The following UMODL1 variants were observed in gnomAD, a reference collection of about 807,000 sequenced individuals.
UMODL1 encodes uromodulin like 1.
A neutral mutation model predicts 136.3 loss-of-function variants in UMODL1; 128 were observed. The ratio of observed to expected loss-of-function variants is 0.94; its 90% CI spans 0.81 to 1.09. The LOEUF is 1.09. Ranked by LOEUF, UMODL1 falls within the 50% of genes least tolerant of loss-of-function variation. The pLI, the probability that UMODL1 is intolerant of heterozygous loss-of-function variation, is 0.00. For synonymous variants in UMODL1, 721 were observed against 720.0 expected (o/e 1.00, Z -0.02); for missense variants, 1,766 against 1,725.6 (o/e 1.02, Z -0.41).
intron 2 of UMODL1, among the ~76,000 whole-genome samples, chr21:42,077,359 C>T (rs888752418): frequency 4.6e-5 from 7 of 151,844 alleles, no homozygotes; most frequent in Admixed American, 6.6e-5. Context: ...TTTTATTAGC[C>T]GGCGACCGAG....
At chr21:42,096,107 A>T (rs891622560) in intron 6 of UMODL1, among the ~76,000 whole-genome samples, 2 of 152,054 alleles carry the variant, frequency 1.3e-5, no homozygotes, top group African/African-American at 4.8e-5. Context: ...AAGCTCAATT[A>T]AAAAAAATTG....
intron 7 of UMODL1, among the ~76,000 whole-genome samples, chr21:42,100,970 G>GA (rs1009168641): frequency 3.5e-5 from 5 of 141,146 alleles, no homozygotes; most frequent in Non-Finnish European, 7.6e-5. Flanking sequence ...GTGCCTTCAG[G>GA]AAAAAAAATA....
intron 21 of UMODL1, among the ~76,000 whole-genome samples, chr21:42,136,941 A>G (rs982796631): frequency 2.0e-5 from 3 of 152,148 alleles, no homozygotes; most frequent in African/African-American, 7.2e-5. Context: ...TATTTTTAGT[A>G]GAGACGGGGT....
chr21:42,083,064 C>T (rs886321966), intron 2 of UMODL1, among the ~76,000 whole-genome samples: 15 of 152,204 alleles, frequency 9.9e-5, no homozygotes, highest in East Asian at 1.9e-4. Context: ...AGAGGCTGGC[C>T]GCGTTTCTGT....
chr21:42,086,197 G>A (rs1172020741), intron 4 of UMODL1, among the ~76,000 whole-genome samples: 1 of 152,240 alleles, frequency 6.6e-6, no homozygotes, highest in African/African-American at 2.4e-5. Context: ...AGGGGCTTGT[G>A]CTCAGAGGGG....
chr21:42,134,274 C>T (rs534596068), intron 21 of UMODL1, among the ~76,000 whole-genome samples: 19 of 152,348 alleles, frequency 1.2e-4, no homozygotes, highest in South Asian at 8.3e-4. Flanking sequence ...AGAATCCATT[C>T]GGGCATCTTC....
intron 1 of UMODL1, among the ~76,000 whole-genome samples, chr21:42,073,033 T>C (rs117396480): frequency 0.066 from 9,878 of 149,140 alleles, 410 homozygotes; most frequent in African/African-American, 0.13. Flanking sequence ...CGCGCGCGCG[T>C]GTGTGTGTGT....
intron 2 of UMODL1, among the ~76,000 whole-genome samples, 198 bp downstream of exon 2, chr21:42,076,445 G>A (rs1638954588): frequency 6.6e-6 from 1 of 152,204 alleles, no homozygotes; most frequent in African/African-American, 2.4e-5. Flanking sequence ...GTGGGTGGGG[G>A]TGAAGTACAA....
At chr21:42,083,552 C>A (rs565655239) in intron 2 of UMODL1, among the ~76,000 whole-genome samples, 97 of 152,350 alleles carry the variant, frequency 6.4e-4, no homozygotes, top group African/African-American at 2.1e-3. Context: ...GGCATGAGCC[C>A]CTCTCCAGAG....
At chr21:42,130,375 A>G (rs2067118934) in intron 21 of UMODL1, among the ~76,000 whole-genome samples, 1 of 152,190 alleles carries the variant, frequency 6.6e-6, no homozygotes, top group South Asian at 2.1e-4. Flanking sequence ...TCAAAACCCC[A>G]CATCAACTTT....
intron 9 of UMODL1, 22 bp downstream of exon 9, chr21:42,104,109 T>G: frequency 6.3e-7 from 1 of 1,591,124 alleles, no homozygotes. Flanking sequence ...CCACCCGCCC[T>G]GCTGCCTGGT....
At position 42,071,331 on chromosome 21, in the gene UMODL1, G is replaced by A. The variant is rs368977312; in HGVS notation, c.15G>A (p.Ser5=). 119 of 1,594,684 alleles carry A rather than the reference G, an allele frequency of 7.5e-5. No individual in the cohort carries two copies. Among genetic ancestry groups the A allele is most frequent in the Middle Eastern group, 1.7e-4 (1 of 6,026 alleles). The change falls in exon 1 of 23, where the codon TCG becomes TCA. Residue 5 remains serine, a synonymous_variant. Coordinates refer to ENST00000408910, the MANE Select transcript of UMODL1 (RefSeq NM_001004416.3). The part of the protein sequence containing the change: MLRT[S]GLALLALVSA... The stretch of plus-strand genomic sequence containing the variant: ...ACTGCCGGACGATGCTCAGGACCTC[G>A]GGGCTGGCACTGCTGGCTCTGGTCA...
chr21:42,099,145 G>A lies in UMODL1; in HGVS notation c.1151G>A (p.Gly384Glu). 2 of 1,613,376 alleles carry A rather than the reference G, an allele frequency of 1.2e-6. No homozygotes were observed. The highest frequency in any genetic ancestry group is 1.3e-5 in the African/African-American group (1 of 75,020). ...YRVKTSYQGCGADVSTTLTIK... is the reference protein window; with the variant it reads ...YRVKTSYQGCEADVSTTLTIK... ...GTGAAGACCAGCTACCAGGGGTGCG[G>A]GGCCGACGTCTCCACCACGCTGACC... Residue 384 changes from glycine to glutamate, a missense_variant, in exon 7 of 23, where the codon GGG becomes GAG. Physicochemically the swap from Gly to Glu is moderately conservative, Grantham distance 98 (BLOSUM62 -2). Coordinates refer to ENST00000408910, the MANE Select transcript of UMODL1 (RefSeq NM_001004416.3). This position sits in a 1 kb window ranked among gnomAD's most constrained non-coding sequence, Gnocchi z 4.1.
rs777341425 is a variant in UMODL1 at position 42,109,711 on chromosome 21, C to G, written c.1657+12C>G. On this transcript the variant is annotated intron_variant, in intron 10 of 22. Coordinates refer to ENST00000408910, the MANE Select transcript of UMODL1 (RefSeq NM_001004416.3). ...CCGGGCCTGTGAGGGTACGTGTCGACCCCCCTGCCGACTCTGGGAAGACCC... is the reference window on the plus strand; with the variant it reads ...CCGGGCCTGTGAGGGTACGTGTCGAGCCCCCTGCCGACTCTGGGAAGACCC... 1 of 1,592,828 alleles carries G rather than the reference C, an allele frequency of 6.3e-7. No individual in the cohort carries two copies. Among genetic ancestry groups the G allele is most frequent in the East Asian group, 2.2e-5 (1 of 44,862 alleles).
chr21:42,103,859 C>T lies in UMODL1; in HGVS notation c.1300-9C>T, dbSNP rs748740414. 3.1e-6 allele frequency: 5 copies of T among 1,614,172 alleles called. No homozygotes were observed. In the South Asian group the frequency reaches 3.3e-5, roughly 11 times the overall value. On this transcript the variant is annotated splice_polypyrimidine_tract_variant and intron_variant, in intron 8 of 22. Transcript: ENST00000408910. ...TGATGGATGTCTGCTGTTGCCTCTTCTTGGCTAGGTCGAGAGCTCCTTCCC... is the reference window on the plus strand; with the variant it reads ...TGATGGATGTCTGCTGTTGCCTCTTTTTGGCTAGGTCGAGAGCTCCTTCCC...
chr21:42,121,730 G>C (rs1601257221), intron 16 of UMODL1, among the ~76,000 whole-genome samples: 1 of 152,220 alleles, frequency 6.6e-6, no homozygotes, highest in African/African-American at 2.4e-5. Context: ...ATTTATACCA[G>C]TGAGTGTGGT....
chr21:42,111,296 A>T, intron 11 of UMODL1, 175 bp downstream of exon 11: 1 of 1,405,090 alleles, frequency 7.1e-7, no homozygotes, highest in Non-Finnish European at 9.5e-7. Flanking sequence ...CAGCCAGCGG[A>T]GCACCAGCCA....
At chr21:42,102,342 G>A (rs2066646732) in intron 8 of UMODL1, 64 bp downstream of exon 8, 1 of 1,231,964 alleles carries the variant, frequency 8.1e-7, no homozygotes, top group Non-Finnish European at 1.2e-6. Context: ...TCAAACACAA[G>A]CCGTTAATTC....
intron 2 of UMODL1, among the ~76,000 whole-genome samples, chr21:42,079,981 G>A (rs1399968449): frequency 6.6e-6 from 1 of 152,236 alleles, no homozygotes; most frequent in East Asian, 1.9e-4. Flanking sequence ...GCCTGGTGAA[G>A]GGCACAGCCC....
Sources: allele counts gnomAD v4.1 joint callset (sites outside exome capture counted in the v4.1 genomes callset), GRCh38; gene constraint gnomAD v4.1.1; non-coding constraint Gnocchi (gnomAD v3.1); transcripts MANE v1.5; gene names NCBI Gene and HGNC (gene_info 2026-07-23, HGNC 2026-07-21).